AXIN1: variants seen among roughly 807,000 people sequenced by gnomAD.
AXIN1 encodes the protein axin-1.
AXIN1 carries 30 observed loss-of-function variants against 76.4 expected under a neutral mutation model. The ratio of observed to expected loss-of-function variants is 0.39; its 90% CI spans 0.29 to 0.53. The LOEUF is 0.53. Among genes scored for constraint, AXIN1 ranks in the 20% least tolerant of loss-of-function variants. The pLI is 0.66. For synonymous variants in AXIN1, 545 were observed against 501.4 expected (o/e 1.09, Z -1.16); for missense variants, 1,140 against 1,198.8 (o/e 0.95, Z 0.72).
At chr16:309,665 C>G (rs2053123037) in intron 4 of AXIN1, among the ~76,000 whole-genome samples, 1 of 152,242 alleles carries the variant, frequency 6.6e-6, no homozygotes, top group Non-Finnish European at 1.5e-5. Flanking sequence ...AGCTCCCCCT[C>G]TTGAGGGGAA....
At chr16:310,826 AG>A (rs2053158148) in intron 3 of AXIN1, among the ~76,000 whole-genome samples, 3 of 152,236 alleles carry the variant, frequency 2.0e-5, no homozygotes, top group African/African-American at 7.2e-5. Context: ...CTTGTGGCCT[AG>A]ACCACTGTGC....
At chr16:290,656 G>A in intron 9 of AXIN1, 1 of 208,382 alleles carries the variant, frequency 4.8e-6, no homozygotes, top group South Asian at 8.0e-5. Context: ...CGGCCCATGT[G>A]GGATCACATG....
Position 293,249 on chromosome 16 carries a change from A to G in AXIN1, c.2186+239T>C. 1 of 580,490 alleles carries G rather than the reference A, an allele frequency of 1.7e-6. No homozygotes were observed. Among genetic ancestry groups the G allele is most frequent in the South Asian group, 2.1e-5 (1 of 47,610 alleles). The allele number at this position is 580,490 out of a possible 1,614,324, so 36.0% of individuals were successfully genotyped here. On this transcript the variant is annotated intron_variant, in intron 8 of 10. Coordinates refer to ENST00000262320, the MANE Select transcript of AXIN1 (RefSeq NM_003502.4). This position sits in a 1 kb window ranked among gnomAD's most constrained non-coding sequence, Gnocchi z 4.6. ...GGTTGAGGAGGGACCCCGCCTCCAG[A>G]GCAATGAGCGCGGCGGCCTCGGGTG... is the stretch of plus-strand genomic sequence containing the variant.
Position 293,870 on chromosome 16 carries a change from C to CA in AXIN1, c.1956-153dup. 2 of 749,736 alleles carry CA rather than the reference C, an allele frequency of 2.7e-6. No homozygotes were observed. The highest frequency in any genetic ancestry group is 2.6e-5 in the East Asian group (1 of 38,174). 46.4% of individuals were successfully genotyped at this position (749,736 alleles called of 1,614,324 possible). On this transcript the variant is annotated intron_variant, in intron 7 of 10. Transcript: ENST00000262320. This position sits in a 1 kb window ranked among gnomAD's most constrained non-coding sequence, Gnocchi z 4.6. The stretch of plus-strand genomic sequence containing the variant: ...GCCACCAAGCCACATGGACGTCCTC[C>CA]ACAGACCACACAATAAAAACATCCC...
rs397722732 is a variant in AXIN1, at chr16:320,743, A to ATATTTTT, written c.879-6061_879-6060insAAAAATA. ...TGTGTGTATATATATATATATATAT[A>ATATTTTT]TTTTTTTTTTTTTTGAGACGGAGCC... On this transcript the variant is annotated intron_variant, in intron 2 of 10. Coordinates refer to ENST00000262320, the MANE Select transcript of AXIN1 (RefSeq NM_003502.4). Among the ~76,000 whole-genome samples, 336 of 107,590 alleles carry ATATTTTT rather than the reference A, an allele frequency of 3.1e-3. 6 individuals carry two copies. Among genetic ancestry groups the ATATTTTT allele is most frequent in the African/African-American group, 0.014 (303 of 21,736 alleles). The allele number at this position is 107,590 out of a possible 152,430, so 70.6% of individuals were successfully genotyped here.
At chr16:290,005 G>C (rs1395240028) in intron 9 of AXIN1, 1 of 326,504 alleles carries the variant, frequency 3.1e-6, no homozygotes, top group Admixed American at 4.4e-5. Context: ...AACTGTGCAC[G>C]ATTTCTGGAT....
chr16:344,429 C>CAA lies in AXIN1; in HGVS notation c.878+1717_878+1718dup, dbSNP rs71139776. 1.0e-3 allele frequency among the ~76,000 whole-genome samples: 118 copies of CAA among 117,434 alleles called. 3 individuals carry two copies. Among genetic ancestry groups the CAA allele is most frequent in the Admixed American group, 1.3e-3 (14 of 10,944 alleles). 77.0% of individuals were successfully genotyped at this position (117,434 alleles called of 152,430 possible). ...TGGGCGATAGAGCAAGACTCCATCTCAAAAAAAAAAAAAAAATTAACCAAT... is the reference window on the plus strand; with the variant it reads ...TGGGCGATAGAGCAAGACTCCATCTCAAAAAAAAAAAAAAAAAATTAACCAAT... On this transcript the variant is annotated intron_variant, in intron 2 of 10. Transcript: ENST00000262320.
chr16:340,779 C>T (rs999539570), intron 2 of AXIN1, among the ~76,000 whole-genome samples: 1 of 152,200 alleles, frequency 6.6e-6, no homozygotes, highest in African/African-American at 2.4e-5. Context: ...GTGGGACAAA[C>T]ACAGAAAAGG....
Position 303,305 on chromosome 16 carries a change from G to A in AXIN1, c.1254+999C>T, listed in dbSNP as rs560245104. On this transcript the variant is annotated intron_variant, in intron 5 of 10. Transcript: ENST00000262320. Reference sequence around the variant, plus strand: ...TTGCAGCGGGGAGGAGCCAGGCCCCGCGTCTTCCTAGGTGGAACCTGGGAT... The same window carrying A: ...TTGCAGCGGGGAGGAGCCAGGCCCCACGTCTTCCTAGGTGGAACCTGGGAT... Among the ~76,000 whole-genome samples the A allele has an allele frequency of 2.2e-4, 33 of 152,274 alleles. No individual in the cohort carries two copies. The South Asian group carries it at 4.1e-3, about 19-fold the overall frequency.
At chr16:316,595 A>G (rs572274900) in intron 2 of AXIN1, among the ~76,000 whole-genome samples, 1 of 152,324 alleles carries the variant, frequency 6.6e-6, no homozygotes. Flanking sequence ...CTAGGTGCGC[A>G]CAGAGCGGTA....
intron 2 of AXIN1, among the ~76,000 whole-genome samples, chr16:324,988 C>T (rs1399243460): frequency 2.0e-5 from 3 of 152,204 alleles, no homozygotes; most frequent in East Asian, 1.9e-4. Context: ...TACTGACGCA[C>T]GGCTGGGTGC....
At chr16:325,671 G>C (rs2053565107) in intron 2 of AXIN1, among the ~76,000 whole-genome samples, 1 of 152,264 alleles carries the variant, frequency 6.6e-6, no homozygotes, top group South Asian at 2.1e-4. Flanking sequence ...ACAGCGTCGT[G>C]TGTACAACTT....
Position 324,367 on chromosome 16 carries a change from C to T in AXIN1, c.879-9684G>A, listed in dbSNP as rs1044676627. Among the ~76,000 whole-genome samples, 12 of 152,300 alleles carry T rather than the reference C, an allele frequency of 7.9e-5. No homozygotes were observed. In the South Asian group the frequency reaches 2.1e-3, roughly 26 times the overall value. ...GGGCCGGAATGCGGGTGCATAGAAACGGCTGGAAGCAGCGCAGGGCAGAAG... is the reference window on the plus strand; with the variant it reads ...GGGCCGGAATGCGGGTGCATAGAAATGGCTGGAAGCAGCGCAGGGCAGAAG... On this transcript the variant is annotated intron_variant, in intron 2 of 10. Coordinates refer to ENST00000262320, the MANE Select transcript of AXIN1 (RefSeq NM_003502.4).
rs775463619 is a variant in AXIN1, at chr16:346,112, T to C, written c.878+36A>G. 5.6e-6 allele frequency: 9 copies of C among 1,601,466 alleles called. No homozygotes were observed. In the Admixed American group the frequency reaches 6.7e-5, roughly 12 times the overall value. ...TGGCTTGTTCTCCAGCTCTCGGAGG[T>C]GAGTACAGAAAGTGGACGCCTGGCG... On this transcript the variant is annotated intron_variant, in intron 2 of 10. Coordinates refer to ENST00000262320, the MANE Select transcript of AXIN1 (RefSeq NM_003502.4).
At chr16:327,127 G>A (rs2053601622) in intron 2 of AXIN1, among the ~76,000 whole-genome samples, 1 of 151,614 alleles carries the variant, frequency 6.6e-6, no homozygotes, top group Non-Finnish European at 1.5e-5. Context: ...GGGCGACAGA[G>A]CGAGGCTCCG....
At chr16:304,152 G>A in intron 5 of AXIN1, 152 bp downstream of exon 5, 1 of 1,354,874 alleles carries the variant, frequency 7.4e-7, no homozygotes, top group Non-Finnish European at 1.0e-6. Context: ...CGGCTGCAGA[G>A]AAAGGGGAAC....
In AXIN1 at chr16:291,236, GCACCGGCGCGCACGCTGGCCTGA is replaced by G. The variant is rs2052550613; in HGVS notation, c.2225_2247del (p.Val742AlafsTer32). ...TCCGACACGGCTGGTACCACGTGCA[GCACCGGCGCGCACGCTGGCCTGA>G]CGCAGGCGCGTCCCCGCCGCATAAC... On this transcript the variant is annotated frameshift_variant, in exon 9 of 11. Coordinates refer to ENST00000262320, the MANE Select transcript of AXIN1 (RefSeq NM_003502.4). LOFTEE classifies it high-confidence loss of function. 6.3e-7 allele frequency: 1 copy of G among 1,586,562 alleles called. No individual in the cohort carries two copies. Among genetic ancestry groups the G allele is most frequent in the Admixed American group, 1.8e-5 (1 of 55,140 alleles).
Position 308,542 on chromosome 16 carries a change from G to C in AXIN1, c.1116+1431C>G, listed in dbSNP as rs151328236. ...CTCATGGGCACAGAGGGCTGTTCCG[G>C]GCCTGTGGTTGCTCAGCTGTCTTGT... is the stretch of plus-strand genomic sequence containing the variant. On this transcript the variant is annotated intron_variant, in intron 4 of 10. Transcript: ENST00000262320. Among the ~76,000 whole-genome samples the C allele has an allele frequency of 2.4e-3, 367 of 152,334 alleles. 1 individual carries two copies. Among genetic ancestry groups the C allele is most frequent in the African/African-American group, 8.5e-3 (352 of 41,570 alleles).
chr16:320,505 T>C (rs1273723465), intron 2 of AXIN1, among the ~76,000 whole-genome samples: 1 of 152,052 alleles, frequency 6.6e-6, no homozygotes, highest in Admixed American at 6.6e-5. Flanking sequence ...GATGGTTTCA[T>C]GGAGAAATTT....
Sources: gnomAD v4.1 joint callset for allele counts (sites outside exome capture counted in the v4.1 genomes callset) on GRCh38, gnomAD v4.1.1 for gene constraint, Gnocchi (gnomAD v3.1) non-coding constraint, MANE v1.5 for transcripts, NCBI Gene and HGNC (gene_info 2026-07-23, HGNC 2026-07-21) for gene names.